Variants in MAPK8IP3 observed in about 807,000 individuals in gnomAD.
MAPK8IP3 encodes mitogen-activated protein kinase 8 interacting protein 3, also known as C-Jun-amino-terminal kinase-interacting protein 3.
In MAPK8IP3, 49 loss-of-function variants were observed where a neutral mutation model predicts 157.8. The ratio of observed to expected loss-of-function variants is 0.31; its 90% confidence interval spans 0.25 to 0.39. The LOEUF is 0.39. Among genes scored for constraint, MAPK8IP3 ranks in the 10% least tolerant of loss-of-function variants. The pLI is 1.00. For synonymous variants in MAPK8IP3, 897 were observed against 777.7 expected, an observed-to-expected ratio of 1.15 and a Z score of -2.55; for missense variants, 1,478 against 1,889.4, an observed-to-expected ratio of 0.78 and a Z score of 4.04.
chr16:1,726,815 G>C (rs2038907063), intron 2 of MAPK8IP3, among the ~76,000 whole-genome samples: 1 of 152,242 alleles, frequency 6.6e-6, no homozygotes, highest in South Asian at 2.1e-4. Flanking sequence ...CAGAGAGGCT[G>C]TGGGGCTCTG....
At chr16:1,712,866 G>A (rs530933909) in intron 1 of MAPK8IP3, among the ~76,000 whole-genome samples, 24 of 152,314 alleles carry the variant, frequency 1.6e-4, no homozygotes, top group Admixed American at 3.3e-4. Flanking sequence ...CCACTCTGCC[G>A]CCCCTGCCTG....
At chr16:1,734,214 G>A (rs189392907) in intron 4 of MAPK8IP3, among the ~76,000 whole-genome samples, 6 of 152,380 alleles carry the variant, frequency 3.9e-5, no homozygotes, top group Admixed American at 6.5e-5. Context: ...GGAAGAAGGC[G>A]CTGGGGCTGG....
At chr16:1,735,600 T>G (rs369064954) in intron 4 of MAPK8IP3, among the ~76,000 whole-genome samples, 7 of 143,606 alleles carry the variant, frequency 4.9e-5, no homozygotes, top group East Asian at 4.3e-4. Flanking sequence ...CGTGTGAGCA[T>G]CCGTGTGACC....
Position 1,751,178 on chromosome 16 carries a change from G to A in MAPK8IP3, c.1216+2458G>A, listed in dbSNP as rs1054939599. 7.2e-5 allele frequency among the ~76,000 whole-genome samples: 11 copies of A among 152,158 alleles called. No homozygotes were observed. The highest frequency in any genetic ancestry group is 2.1e-4 in the South Asian group (1 of 4,804). ...ATTTATAGATGAAGAAACTGAGGCC[G>A]GGCACAGTGGCTCATGCCCGTAATC... is the stretch of plus-strand genomic sequence containing the variant. On this transcript the variant is annotated intron_variant, in intron 8 of 31. Coordinates refer to ENST00000610761, the MANE Select transcript of MAPK8IP3 (RefSeq NM_001318852.2). The surrounding 1 kb of genome is among the most constrained non-coding windows in gnomAD (Gnocchi z 5.0).
Position 1,724,742 on chromosome 16 carries a change from G to A in MAPK8IP3, c.439+65G>A. 6.4e-7 allele frequency: 1 copy of A among 1,574,498 alleles called. No individual in the cohort carries two copies. Among genetic ancestry groups the A allele is most frequent in the Non-Finnish European group, 8.6e-7 (1 of 1,157,430 alleles). ...CGCTGCTCTGGGACGGCTCTGGTTG[G>A]GGTGGGCATGGAGCGCCTTCCACAC... On this transcript the variant is annotated intron_variant, in intron 2 of 31. Transcript: ENST00000610761. The surrounding 1 kb of genome is among the most constrained non-coding windows in gnomAD (Gnocchi z 4.1).
chr16:1,768,414 G>T (rs376935356), intron 30 of MAPK8IP3, 36 bp downstream of exon 30: 20 of 1,598,184 alleles, frequency 1.3e-5, no homozygotes, highest in Non-Finnish European at 1.6e-5. Context: ...CACATCCCCT[G>T]CATGCCAGTG....
chr16:1,720,416 C>T (rs1437798946), intron 1 of MAPK8IP3, among the ~76,000 whole-genome samples: 1 of 152,186 alleles, frequency 6.6e-6, no homozygotes, highest in African/African-American at 2.4e-5. Flanking sequence ...GTGCTCTACA[C>T]ACACACTCCC....
intron 5 of MAPK8IP3, chr16:1,745,312 T>A: frequency 2.7e-6 from 1 of 374,908 alleles, no homozygotes; most frequent in Non-Finnish European, 3.7e-6. Context: ...TGGGGTTCCC[T>A]GTTTTCTCTC....
Position 1,764,414 on chromosome 16 carries a change from A to G in MAPK8IP3, c.2235A>G (p.Gly745=), listed in dbSNP as rs1376480017. 1 of 1,605,806 alleles carries G rather than the reference A, an allele frequency of 6.2e-7. No homozygotes were observed. Among genetic ancestry groups the G allele is most frequent in the South Asian group, 1.1e-5 (1 of 90,004 alleles). Residue 745 remains glycine, a synonymous_variant, in exon 19 of 32, where the codon GGA becomes GGG. Coordinates refer to ENST00000610761, the MANE Select transcript of MAPK8IP3 (RefSeq NM_001318852.2). ...ATCCCCTGACCTGCGACCGCGAAGG[A>G]GACGGCGAGCCCAAGAGCGCCCACA... ...GRDPLTCDRE[G]DGEPKSAHTS... is the part of the protein sequence containing the mutation.
chr16:1,767,457 G>A (rs776174023), intron 26 of MAPK8IP3, 107 bp from the exon 27 acceptor site: 3 of 1,507,238 alleles, frequency 2.0e-6, no homozygotes, highest in African/African-American at 1.4e-5. Context: ...GGCGCTGGCT[G>A]GGAGGTCTGA....
chr16:1,739,118 A>ATCCGTGTGAGCGTGTGACCG (rs1254931560), intron 4 of MAPK8IP3, among the ~76,000 whole-genome samples: 1 of 91,448 alleles, frequency 1.1e-5, no homozygotes, highest in Non-Finnish European at 2.1e-5. Context: ...CTGTGTGAGC[A>ATCCGTGTGAGCGTGTGACCG]TCCGTGTGAG....
intron 31 of MAPK8IP3, 25 bp from the exon 32 acceptor site, chr16:1,768,678 C>G (rs751096483): frequency 5.0e-6 from 8 of 1,611,408 alleles, no homozygotes; most frequent in Non-Finnish European, 6.8e-6. Context: ...GGAGCCTGGC[C>G]GTCACTCTGC....
chr16:1,736,913 AGT>A (rs1555448713), intron 4 of MAPK8IP3, among the ~76,000 whole-genome samples: 10 of 35,650 alleles, frequency 2.8e-4, no homozygotes, highest in African/African-American at 4.7e-4. Flanking sequence ...CGTCTGTGTG[AGT>A]GACCATCCAT....
chr16:1,766,864 C>T (rs2042298603), intron 24 of MAPK8IP3, 40 bp from the exon 25 acceptor site: 2 of 1,610,356 alleles, frequency 1.2e-6, no homozygotes, highest in African/African-American at 1.3e-5. Flanking sequence ...GGGGCTGGCA[C>T]AGCCTGGCCC....
At chr16:1,715,688 G>A (rs188361316) in intron 1 of MAPK8IP3, among the ~76,000 whole-genome samples, 1 of 151,918 alleles carries the variant, frequency 6.6e-6, no homozygotes, top group Non-Finnish European at 1.5e-5. Context: ...ATTGTTTCTC[G>A]CTGGTGAGCC....
In MAPK8IP3 at chr16:1,741,008, G is replaced by A. The variant is rs369691949; in HGVS notation, c.603-2324G>A. ...TGGTCACAGACGAAGGCACGGCGCC[G>A]ACTCCTGCTAAGGAGGGGTGTGCAT... is the stretch of plus-strand genomic sequence containing the variant. On this transcript the variant is annotated intron_variant, in intron 4 of 31. Coordinates refer to ENST00000610761, the MANE Select transcript of MAPK8IP3 (RefSeq NM_001318852.2). This position sits in a 1 kb window ranked among gnomAD's most constrained non-coding sequence, Gnocchi z 6.9. Among the ~76,000 whole-genome samples, 8 of 152,144 alleles carry A rather than the reference G, an allele frequency of 5.3e-5. No individual in the cohort carries two copies. Among genetic ancestry groups the A allele is most frequent in the Admixed American group, 1.3e-4 (2 of 15,284 alleles).
intron 4 of MAPK8IP3, among the ~76,000 whole-genome samples, chr16:1,733,753 CTA>C (rs2039470127): frequency 6.6e-6 from 1 of 152,240 alleles, no homozygotes; most frequent in Non-Finnish European, 1.5e-5. Context: ...CTCCTGAAGG[CTA>C]TGTCAGGGCT....
At chr16:1,762,273 G>T (rs577114855) in intron 13 of MAPK8IP3, 78 bp from the exon 14 acceptor site, 1 of 1,484,992 alleles carries the variant, frequency 6.7e-7, no homozygotes, top group African/African-American at 1.4e-5. Flanking sequence ...CCACCTATAC[G>T]TGTAGGCACC....
At position 1,761,667 on chromosome 16, in the gene MAPK8IP3, T is replaced by TCACCATTCACAGGCGGGGCGGC. The variant is rs1567201251; in HGVS notation, c.1539+373_1539+394dup. Among the ~76,000 whole-genome samples the TCACCATTCACAGGCGGGGCGGC allele has an allele frequency of 4.6e-4, 36 of 77,874 alleles. 4 individuals carry two copies. Among genetic ancestry groups the TCACCATTCACAGGCGGGGCGGC allele is most frequent in the African/African-American group, 2.6e-3 (32 of 12,166 alleles). The allele number at this position is 77,874 out of a possible 152,430, so 51.1% of individuals were successfully genotyped here. ...CATTCACAGGCGGGGCGGCCACCATTCACCATTCACAGGCGGGGCGGCCAC... is the reference window on the plus strand; with the variant it reads ...CATTCACAGGCGGGGCGGCCACCATTCACCATTCACAGGCGGGGCGGCCACCATTCACAGGCGGGGCGGCCAC... On this transcript the variant is annotated intron_variant, in intron 13 of 31. Coordinates refer to ENST00000610761, the MANE Select transcript of MAPK8IP3 (RefSeq NM_001318852.2).
Sources: allele counts gnomAD v4.1 joint callset (sites outside exome capture counted in the v4.1 genomes callset), GRCh38; gene constraint gnomAD v4.1.1; non-coding constraint Gnocchi (gnomAD v3.1); transcripts MANE v1.5; gene names NCBI Gene and HGNC (gene_info 2026-07-23, HGNC 2026-07-21).